The following PLXDC2 variants were observed in gnomAD, a reference collection of about 807,000 sequenced individuals.
The protein encoded by PLXDC2 is plexin domain-containing protein 2.
In PLXDC2, 40 loss-of-function variants were observed where a neutral mutation model predicts 68.9. That is an observed-to-expected ratio of 0.58 (90% CI 0.45 to 0.76). The LOEUF is 0.76. Ranked by LOEUF, PLXDC2 falls within the 30% of genes least tolerant of loss-of-function variation. The pLI is 0.00. For synonymous variants in PLXDC2, 243 were observed against 234.2 expected (o/e 1.04, Z -0.34); for missense variants, 644 against 661.9 (o/e 0.97, Z 0.30).
intron 12 of PLXDC2, among the ~76,000 whole-genome samples, chr10:20,230,179 C>T (rs578175354): frequency 6.6e-6 from 1 of 152,188 alleles, no homozygotes; most frequent in African/African-American, 2.4e-5. Context: ...AAAGCCAGAT[C>T]CAACTCTATG....
chr10:20,001,085 C>T (rs1393072918), intron 1 of PLXDC2, among the ~76,000 whole-genome samples: 1 of 152,158 alleles, frequency 6.6e-6, no homozygotes, highest in Non-Finnish European at 1.5e-5. Flanking sequence ...CCTTCCCATC[C>T]ATTTCTGTAA....
At chr10:19,889,770 T>C (rs949240401) in intron 1 of PLXDC2, among the ~76,000 whole-genome samples, 12 of 152,214 alleles carry the variant, frequency 7.9e-5, no homozygotes, top group African/African-American at 2.4e-4. Flanking sequence ...CCTTGACATT[T>C]TGTACTCTGA....
chr10:19,852,632 A>G (rs985292596), intron 1 of PLXDC2, among the ~76,000 whole-genome samples: 1 of 152,074 alleles, frequency 6.6e-6, no homozygotes, highest in African/African-American at 2.4e-5. Flanking sequence ...TTTGTTGACT[A>G]TAGATAATTA....
chr10:19,952,690 G>A (rs1834008717), intron 1 of PLXDC2, among the ~76,000 whole-genome samples: 1 of 152,156 alleles, frequency 6.6e-6, no homozygotes, highest in Admixed American at 6.6e-5. Flanking sequence ...AAGAGGACCT[G>A]CTTGGATATG....
intron 1 of PLXDC2, among the ~76,000 whole-genome samples, chr10:19,917,130 C>T (rs1833382283): frequency 6.6e-6 from 1 of 152,110 alleles, no homozygotes; most frequent in African/African-American, 2.4e-5. Flanking sequence ...TTAGTCAGGG[C>T]TTTTCTTGAG....
intron 6 of PLXDC2, among the ~76,000 whole-genome samples, chr10:20,148,284 G>T: frequency 6.7e-6 from 1 of 148,906 alleles, no homozygotes. Context: ...TTTTCACCTG[G>T]TTGATTTCTT....
intron 4 of PLXDC2, among the ~76,000 whole-genome samples, chr10:20,070,333 C>T (rs907295651): frequency 6.6e-6 from 1 of 152,106 alleles, no homozygotes; most frequent in Admixed American, 6.5e-5. Context: ...AATATTGAAG[C>T]CCTTGGTGAT....
intron 1 of PLXDC2, among the ~76,000 whole-genome samples, chr10:19,821,557 T>G (rs1391977224): frequency 6.6e-6 from 1 of 152,254 alleles, no homozygotes; most frequent in African/African-American, 2.4e-5. Context: ...CATTTATTTC[T>G]GAATCTGCTG....
intron 1 of PLXDC2, among the ~76,000 whole-genome samples, chr10:19,935,578 A>G (rs953022662): frequency 6.6e-6 from 1 of 152,200 alleles, no homozygotes; most frequent in Non-Finnish European, 1.5e-5. Context: ...TATTCCCATC[A>G]GTGGTTAGCA....
rs566742942 is a variant in PLXDC2 at position 20,073,510 on chromosome 10, G to A, written c.541+5271G>A. 2.0e-5 allele frequency among the ~76,000 whole-genome samples: 3 copies of A among 152,156 alleles called. No individual in the cohort carries two copies. The East Asian group carries it at 5.8e-4, about 29-fold the overall frequency. On this transcript the variant is annotated intron_variant, in intron 4 of 13. Transcript: ENST00000377252. ...AATGTGAATTATAGCTAAACATCTG[G>A]TCATTTATAAACTATAAAAATAGAA...
At chr10:20,153,382 A>C (rs1344503248) in intron 6 of PLXDC2, among the ~76,000 whole-genome samples, 2 of 152,204 alleles carry the variant, frequency 1.3e-5, no homozygotes, top group Admixed American at 1.3e-4. Flanking sequence ...AAATGCTTTG[A>C]TGGGAAAAGT....
At chr10:20,041,177 A>G (rs997925396) in intron 2 of PLXDC2, among the ~76,000 whole-genome samples, 3 of 152,152 alleles carry the variant, frequency 2.0e-5, no homozygotes, top group Non-Finnish European at 2.9e-5. Flanking sequence ...TTGATCACCC[A>G]TTGGTTGATT....
intron 6 of PLXDC2, among the ~76,000 whole-genome samples, chr10:20,162,524 A>G (rs185999157): frequency 7.2e-5 from 11 of 152,188 alleles, no homozygotes; most frequent in Admixed American, 3.3e-4. Context: ...GCTTGCTTCT[A>G]TTAATAGATT....
intron 9 of PLXDC2, among the ~76,000 whole-genome samples, chr10:20,211,043 C>G (rs1835062588): frequency 6.6e-6 from 1 of 152,078 alleles, no homozygotes; most frequent in Non-Finnish European, 1.5e-5. Flanking sequence ...TCAGCATAAA[C>G]TATCTGCATG....
intron 6 of PLXDC2, among the ~76,000 whole-genome samples, chr10:20,163,465 C>G (rs1834333544): frequency 6.6e-6 from 1 of 151,484 alleles, no homozygotes; most frequent in South Asian, 2.1e-4. Context: ...CCAACTTATT[C>G]CCCTTCTTAT....
chr10:20,251,776 T>C (rs1835678764), intron 13 of PLXDC2, among the ~76,000 whole-genome samples: 2 of 152,158 alleles, frequency 1.3e-5, no homozygotes, highest in African/African-American at 2.4e-5. Flanking sequence ...ATGTTGAACA[T>C]TGTCCTTAAT....
chr10:19,932,973 C>T (rs1012258319), intron 1 of PLXDC2, among the ~76,000 whole-genome samples: 3 of 152,158 alleles, frequency 2.0e-5, no homozygotes, highest in Non-Finnish European at 2.9e-5. Flanking sequence ...GACACTCTTG[C>T]TGCCACACAT....
rs143443125 is a variant in PLXDC2, at chr10:20,261,684, G to A, written c.1473+16179G>A. 2.6e-3 allele frequency among the ~76,000 whole-genome samples: 399 copies of A among 152,066 alleles called. 2 individuals carry two copies. The highest frequency in any genetic ancestry group is 9.1e-3 in the African/African-American group (379 of 41,470). On this transcript the variant is annotated intron_variant, in intron 13 of 13. Transcript: ENST00000377252. ...AGCCTAACCAACATGGAGAAACCCC[G>A]TCTCTACTGAAAATACAAAATTATC...
intron 2 of PLXDC2, among the ~76,000 whole-genome samples, chr10:20,017,092 G>A (rs1389899636): frequency 6.6e-6 from 1 of 152,158 alleles, no homozygotes; most frequent in Non-Finnish European, 1.5e-5. Flanking sequence ...GAGAGAGGCA[G>A]AGAGAGATAA....
Sources: gnomAD v4.1 joint callset for allele counts (sites outside exome capture counted in the v4.1 genomes callset) on GRCh38, gnomAD v4.1.1 for gene constraint, MANE v1.5 for transcripts, NCBI Gene and HGNC (gene_info 2026-07-23, HGNC 2026-07-21) for gene names.